The following ANO4 variants were observed in gnomAD, a reference collection of about 807,000 sequenced individuals.
The protein encoded by ANO4 is anoctamin-4.
Under a neutral mutation model 141.9 loss-of-function variants are expected in ANO4, and 69 were observed. The observed-to-expected ratio is 0.49, with a 90% CI of 0.40 to 0.59. The LOEUF (loss-of-function observed/expected upper bound fraction) is 0.59. Ranked by LOEUF, ANO4 falls within the 20% of genes least tolerant of loss-of-function variation. The probability of loss-of-function intolerance (pLI) is 0.00; values close to 1 mark genes in which losing one functional copy is unlikely to be tolerated. For synonymous variants in ANO4, 350 were observed against 394.3 expected, an observed-to-expected ratio of 0.89 and a Z score of 1.33; for missense variants, 894 against 1,162.2, an observed-to-expected ratio of 0.77 and a Z score of 3.36.
At chr12:100,887,286 G>C (rs1040067577) in intron 1 of ANO4, among the ~76,000 whole-genome samples, 11 of 152,110 alleles carry the variant, frequency 7.2e-5, no homozygotes, top group African/African-American at 2.7e-4. Flanking sequence ...TTTAATAAGT[G>C]GTCCACTGAA....
intron 22 of ANO4, among the ~76,000 whole-genome samples, chr12:101,102,468 T>C (rs183303677): frequency 3.9e-5 from 6 of 152,334 alleles, no homozygotes; most frequent in African/African-American, 1.4e-4. Flanking sequence ...TAACTAATAA[T>C]GCTGAGCACC....
In ANO4 at chr12:101,042,321, G is replaced by A. The variant is rs1233790289; in HGVS notation, c.1020-13G>A. The A allele has an allele frequency of 1.2e-6, 2 of 1,613,904 alleles. No homozygotes were observed. Among genetic ancestry groups the A allele is most frequent in the African/African-American group, 2.7e-5 (2 of 74,928 alleles). On this transcript the variant is annotated splice_polypyrimidine_tract_variant and intron_variant, in intron 11 of 27. Coordinates refer to ENST00000392977, the MANE Select transcript of ANO4 (RefSeq NM_001286615.2). ...CTGCACTGTAATTTGCAAGGCCGTT[G>A]TGTCTTTAACAGGCGGTACTTTGGA...
At chr12:100,970,692 T>C (rs2043889242) in intron 5 of ANO4, among the ~76,000 whole-genome samples, 2 of 127,554 alleles carry the variant, frequency 1.6e-5, no homozygotes, top group Non-Finnish European at 3.3e-5. Context: ...CTTCCTTCCT[T>C]CCTTCCTTCC....
chr12:101,009,066 T>C (rs2045979314), intron 8 of ANO4, among the ~76,000 whole-genome samples: 1 of 152,158 alleles, frequency 6.6e-6, no homozygotes, highest in Non-Finnish European at 1.5e-5. Flanking sequence ...ATGGGTCAAA[T>C]TGTGACCTTC....
intron 14 of ANO4, 42 bp downstream of exon 14, chr12:101,048,443 GC>G: frequency 6.5e-7 from 1 of 1,546,458 alleles, no homozygotes; most frequent in Non-Finnish European, 8.9e-7. Flanking sequence ...TTCCTCATAT[GC>G]CCTATGATAT....
chr12:100,981,386 G>A (rs1414534068), intron 7 of ANO4, among the ~76,000 whole-genome samples: 1 of 151,736 alleles, frequency 6.6e-6, no homozygotes, highest in Non-Finnish European at 1.5e-5. Context: ...TTCCAAGAGG[G>A]TGTCATTTAC....
At chr12:101,076,508 C>CCAGG (rs2049030192) in intron 14 of ANO4, among the ~76,000 whole-genome samples, 1 of 152,160 alleles carries the variant, frequency 6.6e-6, no homozygotes, top group South Asian at 2.1e-4. Context: ...TCTGTTTCCT[C>CCAGG]CAGGCAGGAT....
chr12:100,859,048 T>C (rs964204748), intron 1 of ANO4: 2 of 152,200 alleles, frequency 1.3e-5, no homozygotes, highest in Admixed American at 6.5e-5. Flanking sequence ...AATTAGAGAA[T>C]GGCACTTTCA....
At chr12:101,104,672 A>ATATAT (rs2050370185) in intron 22 of ANO4, among the ~76,000 whole-genome samples, 2 of 45,184 alleles carry the variant, frequency 4.4e-5, no homozygotes, top group African/African-American at 1.2e-4. Context: ...TATATATATA[A>ATATAT]ATAAAAAGAT....
chr12:100,777,786 A>G (rs2033575230), intron 3 of ANO4, among the ~76,000 whole-genome samples: 1 of 152,142 alleles, frequency 6.6e-6, no homozygotes, highest in Non-Finnish European at 1.5e-5. Flanking sequence ...AATATTTTCT[A>G]TTCAACAATT....
chr12:100,995,876 G>C (rs1464506544), intron 8 of ANO4, among the ~76,000 whole-genome samples: 4 of 152,242 alleles, frequency 2.6e-5, no homozygotes, highest in African/African-American at 9.6e-5. Context: ...AAAGGAGCAA[G>C]GCAGAATTGG....
At chr12:100,744,023 C>A (rs2031988408) in intron 3 of ANO4, among the ~76,000 whole-genome samples, 1 of 152,184 alleles carries the variant, frequency 6.6e-6, no homozygotes, top group African/African-American at 2.4e-5. Context: ...CCCAGCTGAT[C>A]CTCAATCACT....
At chr12:100,867,552 G>A (rs754969931) in intron 1 of ANO4, among the ~76,000 whole-genome samples, 27 of 151,780 alleles carry the variant, frequency 1.8e-4, no homozygotes, top group Admixed American at 3.9e-4. Flanking sequence ...TGCTTTACTC[G>A]GTCTACCCAT....
chr12:100,769,284 C>G (rs1351640229), intron 3 of ANO4, among the ~76,000 whole-genome samples: 1 of 152,202 alleles, frequency 6.6e-6, no homozygotes, highest in African/African-American at 2.4e-5. Flanking sequence ...TGCTAGTGAT[C>G]TAGCTGGCTC....
chr12:100,887,793 A>C (rs2039911461), intron 1 of ANO4, among the ~76,000 whole-genome samples: 1 of 152,190 alleles, frequency 6.6e-6, no homozygotes, highest in Non-Finnish European at 1.5e-5. Context: ...TTAAACTATA[A>C]ACTTACAATT....
chr12:100,821,549 A>AC (rs61656198), intron 1 of ANO4, among the ~76,000 whole-genome samples: 3 of 56,324 alleles, frequency 5.3e-5, no homozygotes, highest in Non-Finnish European at 1.3e-4. Context: ...AATAGAGATG[A>AC]AGACAGAGTC....
intron 9 of ANO4, among the ~76,000 whole-genome samples, chr12:101,031,074 A>G (rs2046955333): frequency 6.6e-6 from 1 of 152,256 alleles, no homozygotes; most frequent in East Asian, 1.9e-4. Flanking sequence ...ACTCCTCCCT[A>G]ACTCATTTTA....
chr12:101,080,462 T>TTCA (rs1164939168), intron 15 of ANO4, among the ~76,000 whole-genome samples: 1 of 152,098 alleles, frequency 6.6e-6, no homozygotes, highest in East Asian at 1.9e-4. Context: ...AAGGCTTTCT[T>TTCA]TCATGTTTTT....
intron 9 of ANO4, among the ~76,000 whole-genome samples, chr12:101,028,850 A>G (rs2136539381): frequency 6.6e-6 from 1 of 152,254 alleles, no homozygotes; most frequent in Admixed American, 6.5e-5. Context: ...AGTACTCCAC[A>G]AGAAGATCAA....
Sources: gnomAD v4.1 joint callset for allele counts (sites outside exome capture counted in the v4.1 genomes callset) on GRCh38, gnomAD v4.1.1 for gene constraint, MANE v1.5 for transcripts, NCBI Gene and HGNC (gene_info 2026-07-23, HGNC 2026-07-21) for gene names.